The following KIAA0232 variants were observed in gnomAD, a reference collection of about 807,000 sequenced individuals.
KIAA0232 encodes the protein KIAA0232, also known as uncharacterized protein KIAA0232.
A neutral mutation model predicts 122.0 loss-of-function variants in KIAA0232; 27 were observed. That is an observed-to-expected ratio of 0.22 (90% CI 0.16 to 0.31). KIAA0232 has a LOEUF of 0.31. Ranked by LOEUF, KIAA0232 falls within the 10% of genes least tolerant of loss-of-function variation. The pLI is 1.00. For missense variants in KIAA0232, 1,551 were observed against 1,634.2 expected (o/e 0.95, Z 0.88); for synonymous variants, 613 against 587.6 (o/e 1.04, Z -0.63).
At chr4:6,821,634 G>A (rs1718428741) in intron 2 of KIAA0232, among the ~76,000 whole-genome samples, 1 of 150,776 alleles carries the variant, frequency 6.6e-6, no homozygotes, top group East Asian at 1.9e-4. Context: ...ATATATACGT[G>A]TATATAGATA....
chr4:6,815,740 C>T (rs1484080851), intron 2 of KIAA0232, among the ~76,000 whole-genome samples: 1 of 152,014 alleles, frequency 6.6e-6, no homozygotes, highest in Admixed American at 6.6e-5. Context: ...TTTAATCACT[C>T]ATGACTATAG....
intron 3 of KIAA0232, 23 bp downstream of exon 3, chr4:6,824,707 T>C: frequency 6.3e-7 from 1 of 1,590,018 alleles, no homozygotes; most frequent in Non-Finnish European, 8.6e-7. Flanking sequence ...TTTAAGTGTT[T>C]TCTGAAAACT....
chr4:6,799,058 C>T (rs1717260258), intron 1 of KIAA0232, among the ~76,000 whole-genome samples: 1 of 152,106 alleles, frequency 6.6e-6, no homozygotes, highest in African/African-American at 2.4e-5. Context: ...GTTGGCAGGG[C>T]TGGTTCCTTC....
chr4:6,838,998 G>T (rs550990670), intron 3 of KIAA0232, among the ~76,000 whole-genome samples: 1 of 151,994 alleles, frequency 6.6e-6, no homozygotes, highest in Non-Finnish European at 1.5e-5. Context: ...GTGTGGTGGC[G>T]CATGCCTGCA....
chr4:6,800,035 CTTTCTTTCTTTTTTTTTT>C (rs1272192470), intron 1 of KIAA0232, among the ~76,000 whole-genome samples: 17 of 78,792 alleles, frequency 2.2e-4, no homozygotes, highest in African/African-American at 8.0e-4. Flanking sequence ...TTCTTTCTTT[CTTTCTTTCTTTTTTTTTT>C]TTTTTTTTTT....
intron 4 of KIAA0232, among the ~76,000 whole-genome samples, chr4:6,843,332 T>C (rs1302783386): frequency 1.3e-5 from 2 of 152,188 alleles, no homozygotes; most frequent in Non-Finnish European, 2.9e-5. Context: ...CTGGACTAAT[T>C]GTTGAATGGT....
chr4:6,829,577 C>T (rs1479939103), intron 3 of KIAA0232, among the ~76,000 whole-genome samples: 2 of 152,192 alleles, frequency 1.3e-5, no homozygotes, highest in African/African-American at 4.8e-5. Flanking sequence ...GTAAGGATTG[C>T]CTTATTCAGT....
At chr4:6,840,093 C>T (rs768059728) in intron 3 of KIAA0232, among the ~76,000 whole-genome samples, 1 of 152,076 alleles carries the variant, frequency 6.6e-6, no homozygotes, top group Middle Eastern at 3.2e-3. Flanking sequence ...TTGGGCTGGC[C>T]CCTGTTAGGT....
At chr4:6,824,710 T>C (rs1718588155) in intron 3 of KIAA0232, 26 bp downstream of exon 3, 1 of 1,585,030 alleles carries the variant, frequency 6.3e-7, no homozygotes, top group Non-Finnish European at 8.7e-7. Context: ...AAGTGTTTTC[T>C]GAAAACTGAT....
intron 1 of KIAA0232, among the ~76,000 whole-genome samples, chr4:6,800,023 TTTTCTTTCTTTC>T (rs757767534): frequency 7.1e-6 from 1 of 141,710 alleles, no homozygotes; most frequent in African/African-American, 2.6e-5. Context: ...TCTGTTTTCT[TTTTCTTTCTTTC>T]TTTCTTTCTT....
intron 6 of KIAA0232, among the ~76,000 whole-genome samples, chr4:6,859,673 AC>A (rs1161042701): frequency 6.6e-6 from 1 of 152,160 alleles, no homozygotes; most frequent in East Asian, 1.9e-4. Context: ...CTGTTGGTCA[AC>A]TCTGACATAG....
At chr4:6,845,815 T>G (rs1410585121) in intron 4 of KIAA0232, among the ~76,000 whole-genome samples, 2 of 152,224 alleles carry the variant, frequency 1.3e-5, no homozygotes. Flanking sequence ...ACTGAAAAGA[T>G]GAAGGGTATA....
At chr4:6,876,966 C>T (rs1385215027) in intron 9 of KIAA0232, among the ~76,000 whole-genome samples, 1 of 152,204 alleles carries the variant, frequency 6.6e-6, no homozygotes, top group Non-Finnish European at 1.5e-5. Flanking sequence ...TGTTGACTGC[C>T]AGTGCTTCCT....
chr4:6,841,577 A>C (rs1056193119), intron 3 of KIAA0232, among the ~76,000 whole-genome samples: 1 of 152,232 alleles, frequency 6.6e-6, no homozygotes, highest in Non-Finnish European at 1.5e-5. Context: ...CAGCATTAAG[A>C]GGGCAGTTAG....
rs1218137367 is a variant in KIAA0232 at position 6,861,087 on chromosome 4, A to C, written c.705A>C (p.Arg235Ser). 5 of 1,614,126 alleles carry C rather than the reference A, an allele frequency of 3.1e-6. No individual in the cohort carries two copies. In the South Asian group the frequency reaches 5.5e-5, roughly 18 times the overall value. ...GTGAAAGTGAAGTCACCAAGGAAAGAAGCAGTGAAGTACCCACCACTGTGC... is the reference window on the plus strand; with the variant it reads ...GTGAAAGTGAAGTCACCAAGGAAAGCAGCAGTGAAGTACCCACCACTGTGC... ...CNSESEVTKERSSEVPTTVHE... is the reference protein window; with the variant it reads ...CNSESEVTKESSSEVPTTVHE... Residue 235 changes from arginine (R) to serine (S), a missense_variant, in exon 7 of 10, where the codon AGA becomes AGC. By Grantham distance (110) the Arg-to-Ser change is moderately radical. Coordinates refer to ENST00000307659, the MANE Select transcript of KIAA0232 (RefSeq NM_014743.3).
intron 2 of KIAA0232, 76 bp from the exon 3 acceptor site, chr4:6,824,109 A>AT (rs1029002531): frequency 2.6e-5 from 11 of 416,670 alleles, no homozygotes; most frequent in Admixed American, 1.2e-4. Flanking sequence ...AGTTTATTTG[A>AT]TTTTTTTTCC....
At chr4:6,869,135 A>G (rs899609677) in intron 7 of KIAA0232, among the ~76,000 whole-genome samples, 2 of 152,130 alleles carry the variant, frequency 1.3e-5, no homozygotes, top group Non-Finnish European at 2.9e-5. Flanking sequence ...GTCTTGGTTC[A>G]TGCTGCCCCT....
chr4:6,824,607 A>AT lies in KIAA0232; in HGVS notation c.156dup (p.Asp53Ter), dbSNP rs1272252463. ...GGGACAAGAGCTCGAGAAATGTGGC[A>AT]TTGATGCCATGATTTACACTCGGTA... On this transcript the variant is annotated frameshift_variant, in exon 3 of 10. Coordinates refer to ENST00000307659, the MANE Select transcript of KIAA0232 (RefSeq NM_014743.3). LOFTEE classifies it high-confidence loss of function. 6.2e-7 allele frequency: 1 copy of AT among 1,614,100 alleles called. No individual in the cohort carries two copies. The highest frequency in any genetic ancestry group is 8.5e-7 in the Non-Finnish European group (1 of 1,180,044).
In KIAA0232 at chr4:6,861,441, T is replaced by TAGC. The variant is rs530767645; in HGVS notation, c.1065_1067dup (p.Ser356dup). On this transcript the variant is annotated inframe_insertion, in exon 7 of 10. Coordinates refer to ENST00000307659, the MANE Select transcript of KIAA0232 (RefSeq NM_014743.3). ...ACATTCATACTGGAAGTAGTAGCAG[T>TAGC]AGCAGCAGTGGTTCTGTCAAACAGC... The TAGC allele has an allele frequency of 1.5e-4, 242 of 1,614,208 alleles. No homozygotes were observed. In the African/African-American group the frequency reaches 3.0e-3, roughly 20 times the overall value.
Sources: gnomAD v4.1 joint callset for allele counts (sites outside exome capture counted in the v4.1 genomes callset) on GRCh38, gnomAD v4.1.1 for gene constraint, MANE v1.5 for transcripts, NCBI Gene and HGNC (gene_info 2026-07-23, HGNC 2026-07-21) for gene names.